The following RTCA variants were observed in gnomAD, a reference collection of about 807,000 sequenced individuals.
RTCA encodes the protein RNA 3'-terminal phosphate cyclase.
In RTCA, 37 loss-of-function variants were observed where a neutral mutation model predicts 46.1. That is an observed-to-expected ratio of 0.80 (90% CI 0.62 to 1.06). RTCA has a LOEUF of 1.06. Ranked by LOEUF, RTCA falls within the 50% of genes least tolerant of loss-of-function variation. RTCA has a pLI of 0.00. For missense variants in RTCA, 435 were observed against 455.5 expected (o/e 0.95, Z 0.41); for synonymous variants, 164 against 158.3 (o/e 1.04, Z -0.27).
At chr1:100,273,556 T>C in intron 5 of RTCA, 104 bp downstream of exon 5, 1 of 573,090 alleles carries the variant, frequency 1.7e-6, no homozygotes, top group South Asian at 2.8e-5. Context: ...ACTTAATACA[T>C]TGCATCTCTT....
chr1:100,268,926 C>T (rs1000541523), intron 3 of RTCA, among the ~76,000 whole-genome samples: 4 of 151,910 alleles, frequency 2.6e-5, no homozygotes, highest in African/African-American at 7.2e-5. Context: ...CGGTGGCTCA[C>T]GCCTGTAGTC....
chr1:100,272,868 A>G (rs1185103863), intron 4 of RTCA, among the ~76,000 whole-genome samples: 1 of 152,232 alleles, frequency 6.6e-6, no homozygotes, highest in Non-Finnish European at 1.5e-5. Flanking sequence ...ATATATCATT[A>G]TCTAATAATG....
chr1:100,268,639 C>T (rs1238173129), intron 3 of RTCA, among the ~76,000 whole-genome samples: 1 of 152,178 alleles, frequency 6.6e-6, no homozygotes, highest in African/African-American at 2.4e-5. Context: ...AAGCAATCCA[C>T]CCACGTTGGC....
intron 2 of RTCA, 110 bp downstream of exon 2, chr1:100,266,734 C>G: frequency 1.1e-6 from 1 of 923,338 alleles, no homozygotes; most frequent in Non-Finnish European, 1.7e-6. Context: ...AGGTCCCAGA[C>G]GCAGGTATGG....
At chr1:100,277,168 C>T in intron 7 of RTCA, 90 bp from the exon 8 acceptor site, 7 of 1,209,058 alleles carry the variant, frequency 5.8e-6, no homozygotes, top group Non-Finnish European at 7.3e-6. Context: ...TTAGTTCTGC[C>T]TATTTAATAG....
intron 5 of RTCA, among the ~76,000 whole-genome samples, chr1:100,274,443 C>T (rs1204015326): frequency 1.3e-5 from 2 of 152,178 alleles, no homozygotes; most frequent in African/African-American, 2.4e-5. Flanking sequence ...GCCCTCAAGG[C>T]GCTTATATTC....
rs1035070338 is a variant in RTCA, at chr1:100,267,439, G to A, written c.147-713G>A. 1.5e-5 allele frequency: 22 copies of A among 1,423,768 alleles called. No homozygotes were observed. The African/African-American group carries it at 2.6e-4, about 17-fold the overall frequency. 88.2% of individuals were successfully genotyped at this position (1,423,768 alleles called of 1,614,324 possible). ...GGTGTTGTATTAGTTTGCTAGGGCT[G>A]CCATAACAAAATGCCACACACAGAG... On this transcript the variant is annotated intron_variant, in intron 2 of 10. Coordinates refer to ENST00000370128, the MANE Select transcript of RTCA (RefSeq NM_003729.4).
At chr1:100,274,455 AC>A (rs1213491916) in intron 5 of RTCA, among the ~76,000 whole-genome samples, 1 of 152,228 alleles carries the variant, frequency 6.6e-6, no homozygotes, top group East Asian at 1.9e-4. Flanking sequence ...CTTATATTCT[AC>A]AATAGCCCTG....
At chr1:100,275,537 GAAAAC>G (rs1666322117) in intron 6 of RTCA, 57 bp from the exon 7 acceptor site, 1 of 1,381,102 alleles carries the variant, frequency 7.2e-7, no homozygotes, top group Non-Finnish European at 9.9e-7. Flanking sequence ...TTGAAGTCTT[GAAAAC>G]AATTTTCCAA....
rs1452329138 is a variant in RTCA at position 100,275,740 on chromosome 1, TC to T, written c.740+19del. Reference sequence around the variant, plus strand: ...TGGAATAATGTGAGACAATACTTTTTCCTACACATTAGTTGAGAACCCTAAA... The same window carrying T: ...TGGAATAATGTGAGACAATACTTTTTCTACACATTAGTTGAGAACCCTAAA... On this transcript the variant is annotated intron_variant, in intron 7 of 10. Coordinates refer to ENST00000370128, the MANE Select transcript of RTCA (RefSeq NM_003729.4). 6.3e-7 allele frequency: 1 copy of T among 1,597,840 alleles called. No individual in the cohort carries two copies. Among genetic ancestry groups the T allele is most frequent in the East Asian group, 2.3e-5 (1 of 44,410 alleles).
At chr1:100,269,918 T>A (rs1665993163) in intron 3 of RTCA, among the ~76,000 whole-genome samples, 1 of 152,198 alleles carries the variant, frequency 6.6e-6, no homozygotes, top group Non-Finnish European at 1.5e-5. Flanking sequence ...CTGCCACTTA[T>A]GAGTGAGAAC....
intron 5 of RTCA, 53 bp downstream of exon 5, chr1:100,273,505 T>A: frequency 8.3e-7 from 1 of 1,200,320 alleles, no homozygotes; most frequent in Non-Finnish European, 1.2e-6. Flanking sequence ...CTAGAAGTAG[T>A]GGAAAAGTTA....
At chr1:100,279,234 A>G (rs1266011874) in intron 8 of RTCA, among the ~76,000 whole-genome samples, 1 of 152,168 alleles carries the variant, frequency 6.6e-6, no homozygotes, top group African/African-American at 2.4e-5. Flanking sequence ...TGTACTAGGG[A>G]TTCAAAAGTG....
Position 100,270,661 on chromosome 1 carries a change from A to G in RTCA, c.395A>G (p.Gln132Arg), listed in dbSNP as rs761810026. ...GGAACTAATGCTGAAATGGCACCAC[A>G]GATCGATTATACAGTGATGGTAAGG... Reference protein sequence around the residue: ...KGGTNAEMAPQIDYTVMVFKP... With the variant: ...KGGTNAEMAPRIDYTVMVFKP... Residue 132 changes from glutamine to arginine, a missense_variant, in exon 4 of 11, where the codon CAG becomes CGG. Physicochemically the swap from Gln to Arg is conservative, Grantham distance 43. Coordinates refer to ENST00000370128, the MANE Select transcript of RTCA (RefSeq NM_003729.4). 2 of 1,614,132 alleles carry G rather than the reference A, an allele frequency of 1.2e-6. No homozygotes were observed. The highest frequency in any genetic ancestry group is 1.7e-6 in the Non-Finnish European group (2 of 1,179,982).
intron 8 of RTCA, among the ~76,000 whole-genome samples, chr1:100,282,164 C>T (rs1021008932): frequency 6.6e-6 from 1 of 152,172 alleles, no homozygotes; most frequent in Non-Finnish European, 1.5e-5. Context: ...GCAAGATTCT[C>T]ATATTTTGCT....
intron 8 of RTCA, among the ~76,000 whole-genome samples, chr1:100,283,948 AAG>A (rs1557979452): frequency 3.1e-5 from 1 of 32,510 alleles, no homozygotes; most frequent in African/African-American, 6.1e-5. Flanking sequence ...AAAAAAAAAA[AAG>A]AAAAAACAAG....
At chr1:100,271,951 G>C (rs1161328929) in intron 4 of RTCA, among the ~76,000 whole-genome samples, 2 of 152,166 alleles carry the variant, frequency 1.3e-5, no homozygotes, top group African/African-American at 4.8e-5. Context: ...TAGGCTTTGA[G>C]TCTGGGTTTT....
chr1:100,271,546 T>A (rs181946289), intron 4 of RTCA, among the ~76,000 whole-genome samples: 1 of 152,348 alleles, frequency 6.6e-6, no homozygotes, highest in Non-Finnish European at 1.5e-5. Flanking sequence ...AGGATTATGA[T>A]TTGGAGGGAA....
rs552473755 is a variant in RTCA at position 100,273,406 on chromosome 1, A to G, written c.427A>G (p.Ile143Val). The change falls in exon 5 of 11, where the codon ATT becomes GTT. Residue 143 changes from isoleucine (I) to valine (V), a missense_variant. Ile to Val is a conservative substitution (Grantham distance 29). Coordinates refer to ENST00000370128, the MANE Select transcript of RTCA (RefSeq NM_003729.4). ...IDYTVMVFKP[I>V]VEKFGFIFNC... The stretch of plus-strand genomic sequence containing the variant: ...CTGATTTTTTCAGGTCTTCAAGCCA[A>G]TTGTTGAAAAATTTGGTTTCATATT... 693 of 1,583,852 alleles carry G rather than the reference A, an allele frequency of 4.4e-4. 9 individuals carry two copies. In the South Asian group the frequency reaches 7.6e-3, roughly 17 times the overall value.
Sources: allele counts gnomAD v4.1 joint callset (sites outside exome capture counted in the v4.1 genomes callset), GRCh38; gene constraint gnomAD v4.1.1; transcripts MANE v1.5; gene names NCBI Gene and HGNC (gene_info 2026-07-23, HGNC 2026-07-21).